Variants in PCDHA12 observed in about 807,000 individuals in gnomAD.
PCDHA12 encodes the protein protocadherin alpha-12.
A neutral mutation model predicts 60.0 loss-of-function variants in PCDHA12; 44 were observed. The observed-to-expected ratio is 0.73, with a 90% CI of 0.58 to 0.94. The LOEUF is 0.94. Among genes scored for constraint, PCDHA12 ranks in the 40% least tolerant of loss-of-function variants. PCDHA12 has a pLI of 0.00. For missense variants in PCDHA12, 1,276 were observed against 1,239.7 expected, an observed-to-expected ratio of 1.03 and a Z score of -0.44; for synonymous variants, 569 against 553.0, an observed-to-expected ratio of 1.03 and a Z score of -0.40.
At chr5:140,974,240 A>G (rs1554235899) in intron 1 of PCDHA12, among the ~76,000 whole-genome samples, 1 of 152,188 alleles carries the variant, frequency 6.6e-6, no homozygotes, top group African/African-American at 2.4e-5. Context: ...CTTGGCATAT[A>G]AGCACCATCA....
At chr5:140,908,692 C>G (rs2074096551) in intron 1 of PCDHA12, among the ~76,000 whole-genome samples, 1 of 152,208 alleles carries the variant, frequency 6.6e-6, no homozygotes, top group South Asian at 2.1e-4. Context: ...CTGCCACTGA[C>G]ACCTCAAGCA....
intron 1 of PCDHA12, chr5:140,884,355 T>A (rs1562803326): frequency 1.9e-6 from 3 of 1,613,922 alleles, no homozygotes; most frequent in East Asian, 2.2e-5. Context: ...CTGGTGGATG[T>A]CAATGTTTAC....
chr5:141,009,710 C>A lies in PCDHA12; in HGVS notation c.2599C>A (p.Pro867Thr), dbSNP rs2098413865. 1 of 1,613,980 alleles carries A rather than the reference C, an allele frequency of 6.2e-7. No individual in the cohort carries two copies. Among genetic ancestry groups the A allele is most frequent in the African/African-American group, 1.3e-5 (1 of 74,884 alleles). Residue 867 changes from proline (P) to threonine (T), a missense_variant, in exon 4 of 4, where the codon CCC becomes ACC. Pro to Thr is a conservative substitution (Grantham distance 38). Transcript: ENST00000398631. ...GACCTTTAAATACGGACCAGGCAAC[C>A]CCAAACAATCCGGTCCCGGTGAGTT... ...SWTFKYGPGN[P>T]KQSGPGELPD...
intron 3 of PCDHA12, among the ~76,000 whole-genome samples, chr5:140,999,427 G>A (rs1405186577): frequency 6.6e-6 from 1 of 152,172 alleles, no homozygotes; most frequent in Non-Finnish European, 1.5e-5. Flanking sequence ...AAGAGGCCAA[G>A]TACCTTGCCT....
chr5:140,946,631 T>TATATAGATATATATATATATATATACAC (rs57893927), intron 1 of PCDHA12, among the ~76,000 whole-genome samples: 1 of 131,846 alleles, frequency 7.6e-6, no homozygotes, highest in African/African-American at 3.5e-5. Flanking sequence ...TATATATATA[T>TATATAGATATATATATATATATATACAC]ACAATGGAAT....
intron 3 of PCDHA12, among the ~76,000 whole-genome samples, chr5:140,992,691 G>A (rs373170347): frequency 9.3e-4 from 142 of 152,244 alleles, no homozygotes; most frequent in Middle Eastern, 3.4e-3. Context: ...GGGTTGAGGG[G>A]TGGGTAATGT....
intron 1 of PCDHA12, chr5:140,883,659 T>A (rs2059734857): frequency 6.2e-7 from 1 of 1,612,766 alleles, no homozygotes. Flanking sequence ...ACGGTGTTCG[T>A]GAAGGAAAAC....
chr5:140,992,377 A>T (rs1258714441), intron 3 of PCDHA12, among the ~76,000 whole-genome samples: 1 of 152,150 alleles, frequency 6.6e-6, no homozygotes, highest in African/African-American at 2.4e-5. Flanking sequence ...CCATTACATT[A>T]TTGTGTTCTG....
intron 3 of PCDHA12, among the ~76,000 whole-genome samples, chr5:140,996,316 A>C (rs2153939037): frequency 6.6e-6 from 1 of 152,250 alleles, no homozygotes; most frequent in African/African-American, 2.4e-5. Context: ...GTAAGGGGGG[A>C]GGGTAGAGAA....
At chr5:140,944,291 G>A (rs155813) in intron 1 of PCDHA12, among the ~76,000 whole-genome samples, 48,239 of 151,966 alleles carry the variant, frequency 0.32, 8,008 homozygotes, top group East Asian at 0.53. Flanking sequence ...GGGCTCAAGC[G>A]ATCCTCCTAC....
At chr5:140,965,254 T>C (rs2153743153) in intron 1 of PCDHA12, among the ~76,000 whole-genome samples, 1 of 152,302 alleles carries the variant, frequency 6.6e-6, no homozygotes, top group African/African-American at 2.4e-5. Context: ...TATTCAGAAC[T>C]GAGCAGCAGA....
chr5:141,009,584 A>G, intron 3 of PCDHA12, 43 bp from the exon 4 acceptor site: 1 of 1,592,004 alleles, frequency 6.3e-7, no homozygotes, highest in Non-Finnish European at 8.6e-7. Context: ...CATCAAGAGC[A>G]TGTGTTGACC....
chr5:140,889,662 C>T (rs1397086074), intron 1 of PCDHA12, among the ~76,000 whole-genome samples: 1 of 151,946 alleles, frequency 6.6e-6, no homozygotes, highest in Admixed American at 6.6e-5. Context: ...GTCCTCTTCC[C>T]AGCCTTTTAT....
chr5:140,948,763 C>T (rs1195337502), intron 1 of PCDHA12, among the ~76,000 whole-genome samples: 4 of 151,102 alleles, frequency 2.6e-5, no homozygotes, highest in Non-Finnish European at 4.4e-5. Flanking sequence ...TGATTTTTTT[C>T]GAATAGCCAG....
intron 1 of PCDHA12, chr5:140,884,716 GTTGT>G (rs782735758): frequency 2.8e-5 from 41 of 1,468,898 alleles, no homozygotes; most frequent in Middle Eastern, 3.6e-4. Flanking sequence ...CTTCCTTGCA[GTTGT>G]TTGTTTAAGA....
chr5:140,883,867 C>T (rs2059859396), intron 1 of PCDHA12: 3 of 1,613,138 alleles, frequency 1.9e-6, no homozygotes, highest in Non-Finnish European at 2.5e-6. Flanking sequence ...TGTTGCAGTT[C>T]CAGGTGAGCG....
chr5:140,943,751 T>C (rs947548745), intron 1 of PCDHA12, among the ~76,000 whole-genome samples: 1 of 152,048 alleles, frequency 6.6e-6, no homozygotes, highest in South Asian at 2.1e-4. Flanking sequence ...CTAAAAGCAG[T>C]AGGAGATGTA....
intron 1 of PCDHA12, chr5:140,927,472 G>A (rs201932518): frequency 1.6e-4 from 264 of 1,614,094 alleles, no homozygotes; most frequent in Non-Finnish European, 2.0e-4. Context: ...ACTGGATCGC[G>A]AACAGCGCGC....
intron 1 of PCDHA12, chr5:140,967,330 C>G: frequency 6.2e-7 from 1 of 1,608,074 alleles, no homozygotes; most frequent in South Asian, 1.1e-5. Context: ...ACGAGCTCAG[C>G]CCCAGCGAGC....
Sources: allele counts gnomAD v4.1 joint callset (sites outside exome capture counted in the v4.1 genomes callset), GRCh38; gene constraint gnomAD v4.1.1; transcripts MANE v1.5; gene names NCBI Gene and HGNC (gene_info 2026-07-23, HGNC 2026-07-21).